The following RBM26 variants were observed in gnomAD, a reference collection of about 807,000 sequenced individuals.
The protein encoded by RBM26 is RNA-binding protein 26.
RBM26 carries 30 observed loss-of-function variants against 123.6 expected under a neutral mutation model. That is an observed-to-expected ratio of 0.24 (90% CI 0.18 to 0.33). The LOEUF is 0.33. RBM26 is among the 10% of genes least tolerant of loss of function. The pLI, the probability that RBM26 is intolerant of heterozygous loss-of-function variation, is 1.00. For missense variants in RBM26, 947 were observed against 1,203.6 expected (o/e 0.79, Z 3.15); for synonymous variants, 400 against 404.4 (o/e 0.99, Z 0.13).
At chr13:79,396,387 A>G (rs1297074170) in intron 1 of RBM26, among the ~76,000 whole-genome samples, 1 of 152,232 alleles carries the variant, frequency 6.6e-6, no homozygotes, top group Non-Finnish European at 1.5e-5. Flanking sequence ...TTGATTAAGA[A>G]AATAAAAGAG....
Position 79,319,757 on chromosome 13 carries a change from T to A in RBM26, c.*864A>T. 1 of 981,832 alleles carries A rather than the reference T, an allele frequency of 1.0e-6. No individual in the cohort carries two copies. Among genetic ancestry groups the A allele is most frequent in the Non-Finnish European group, 1.2e-6 (1 of 826,962 alleles). The allele number at this position is 981,832 out of a possible 1,614,324, so 60.8% of individuals were successfully genotyped here. On this transcript the variant is annotated 3_prime_UTR_variant, in exon 22 of 22. Transcript: ENST00000438737. ...ATCAAACCAAACTCAAGTGGTATAA[T>A]TTTTAAACATTGGATTGTACATTAT...
intron 1 of RBM26, among the ~76,000 whole-genome samples, chr13:79,381,059 TACTC>T (rs1383406675): frequency 3.3e-5 from 5 of 152,056 alleles, no homozygotes; most frequent in Admixed American, 2.0e-4. Context: ...TACTAACACT[TACTC>T]AACAATTACT....
Position 79,368,793 on chromosome 13 carries a change from G to T in RBM26, c.832C>A (p.Gln278Lys), listed in dbSNP as rs778003403. 1.2e-6 allele frequency: 2 copies of T among 1,613,746 alleles called. No homozygotes were observed. The highest frequency in any genetic ancestry group is 1.7e-6 in the Non-Finnish European group (2 of 1,179,752). ...CTTACGTAAGAGTTATGGTCCACTT[G>T]GTCTTCATGAAATTCAGACCAACTT... ...TESWSEFHED[Q>K]VDHNSYVRPP... The change falls in exon 6 of 22, where the codon CAA becomes AAA. Residue 278 changes from glutamine (Q) to lysine (K), a missense_variant. Around this residue, in one of 5 missense-constraint regions of RBM26, gnomAD observed 275 missense variants for 361.0 expected, o/e 0.76. Transcript: ENST00000438737.
intron 1 of RBM26, among the ~76,000 whole-genome samples, chr13:79,383,626 T>C (rs1017835708): frequency 4.0e-5 from 6 of 149,802 alleles, no homozygotes; most frequent in Non-Finnish European, 8.9e-5. Context: ...ATCCTGAAAA[T>C]ACAACTTTTA....
At chr13:79,386,414 A>T (rs537372467) in intron 1 of RBM26, among the ~76,000 whole-genome samples, 2 of 130,340 alleles carry the variant, frequency 1.5e-5, no homozygotes, top group Non-Finnish European at 3.6e-5. Context: ...CTTCTAAATT[A>T]AATAAAAAAA....
At chr13:79,359,550 T>G in intron 10 of RBM26, 25 bp downstream of exon 10, 1 of 1,018,998 alleles carries the variant, frequency 9.8e-7, no homozygotes, top group Middle Eastern at 2.0e-4. Context: ...ACAATTATAC[T>G]CCTCAATTTT....
At position 79,337,201 on chromosome 13, in the gene RBM26, T is replaced by G. The variant is rs35724140; in HGVS notation, c.2634A>C (p.Arg878=). 16,970 of 1,613,948 alleles carry G rather than the reference T, an allele frequency of 0.011. 346 individuals carry two copies. Among genetic ancestry groups the G allele is most frequent in the African/African-American group, 0.083 (6,240 of 74,986 alleles). ...HGRGRGRGRG[R]GVPGHAVVDH... ...CCACCACAGCATGACCAGGCACACC[T>G]CGCCCTCGCCCTCGCCCCCTGCCTC... Residue 878 remains arginine (R), a synonymous_variant, in exon 19 of 22, where the codon CGA becomes CGC. Transcript: ENST00000438737.
intron 5 of RBM26, among the ~76,000 whole-genome samples, chr13:79,369,755 A>C (rs1025162296): frequency 1.4e-4 from 22 of 152,218 alleles, no homozygotes; most frequent in African/African-American, 5.3e-4. Context: ...AAAAATATAT[A>C]TCTGAAATAA....
chr13:79,400,894 G>A lies in RBM26; in HGVS notation c.71+4810C>T, dbSNP rs2079007475. Among the ~76,000 whole-genome samples the A allele has an allele frequency of 2.0e-5, 3 of 152,192 alleles. No homozygotes were observed. In the South Asian group the frequency reaches 6.2e-4, roughly 32 times the overall value. On this transcript the variant is annotated intron_variant, in intron 1 of 21. Coordinates refer to ENST00000438737, the MANE Select transcript of RBM26 (RefSeq NM_001366735.2). ...AGACATTAAGAAGTAAATGGCTGAGGGCAAATTAACAAAAAATTAAAAGTC... is the reference window on the plus strand; with the variant it reads ...AGACATTAAGAAGTAAATGGCTGAGAGCAAATTAACAAAAAATTAAAAGTC...
intron 20 of RBM26, among the ~76,000 whole-genome samples, chr13:79,326,407 C>CT (rs1184958031): frequency 8.6e-5 from 13 of 151,912 alleles, no homozygotes. Flanking sequence ...CCTACTTGGG[C>CT]TAGGACGTAG....
intron 6 of RBM26, among the ~76,000 whole-genome samples, chr13:79,367,297 T>G (rs2075355136): frequency 6.7e-6 from 1 of 149,668 alleles, no homozygotes; most frequent in African/African-American, 2.5e-5. Flanking sequence ...AGCCCAGCTA[T>G]TAGGGAGGCT....
chr13:79,372,504 AC>A (rs1161035525), intron 3 of RBM26, among the ~76,000 whole-genome samples: 1 of 151,440 alleles, frequency 6.6e-6, no homozygotes, highest in East Asian at 1.9e-4. Flanking sequence ...TGGTGAGAAA[AC>A]ATTTTAAGCA....
intron 15 of RBM26, 122 bp from the exon 16 acceptor site, chr13:79,344,444 T>C: frequency 1.1e-6 from 1 of 871,742 alleles, no homozygotes; most frequent in Admixed American, 2.4e-5. Flanking sequence ...AAGGCTTTTC[T>C]ATGTAAAACT....
At chr13:79,375,710 T>C (rs1199518553) in intron 3 of RBM26, among the ~76,000 whole-genome samples, 1 of 152,132 alleles carries the variant, frequency 6.6e-6, no homozygotes, top group African/African-American at 2.4e-5. Context: ...TGTGGGTATG[T>C]GTATATGAAA....
chr13:79,347,147 T>C (rs960317128), intron 14 of RBM26, among the ~76,000 whole-genome samples: 8 of 152,196 alleles, frequency 5.3e-5, no homozygotes, highest in South Asian at 2.1e-4. Context: ...TATCTGACAA[T>C]GATAAGACTC....
intron 1 of RBM26, among the ~76,000 whole-genome samples, chr13:79,405,057 C>G (rs1218297810): frequency 6.6e-6 from 1 of 152,224 alleles, no homozygotes; most frequent in Non-Finnish European, 1.5e-5. Flanking sequence ...TTTCAGCACT[C>G]TAACCGCAGC....
At chr13:79,374,633 C>A (rs1221535323) in intron 3 of RBM26, among the ~76,000 whole-genome samples, 1 of 152,148 alleles carries the variant, frequency 6.6e-6, no homozygotes, top group African/African-American at 2.4e-5. Context: ...CTCTTTCCAC[C>A]TATTCCAGCT....
intron 20 of RBM26, 70 bp from the exon 21 acceptor site, chr13:79,322,532 G>T: frequency 1.0e-6 from 1 of 991,038 alleles, no homozygotes; most frequent in Non-Finnish European, 1.5e-6. Flanking sequence ...ATGTCATAGT[G>T]CCTAACATTA....
At chr13:79,339,194 C>T (rs756628208) in intron 18 of RBM26, among the ~76,000 whole-genome samples, 2 of 152,126 alleles carry the variant, frequency 1.3e-5, no homozygotes, top group Non-Finnish European at 2.9e-5. Flanking sequence ...CTCACTTATA[C>T]ATGGAATCTA....
Sources: gnomAD v4.1 joint callset for allele counts (sites outside exome capture counted in the v4.1 genomes callset) on GRCh38, gnomAD v4.1.1 for gene constraint, gnomAD v4.1.1 regional missense constraint, MANE v1.5 for transcripts, NCBI Gene and HGNC (gene_info 2026-07-23, HGNC 2026-07-21) for gene names.